The following UBE2E1 variants were observed in gnomAD, a reference collection of about 807,000 sequenced individuals.
UBE2E1 encodes ubiquitin-conjugating enzyme E2 E1.
Under a neutral mutation model 21.4 loss-of-function variants are expected in UBE2E1, and 6 were observed. The ratio of observed to expected loss-of-function variants is 0.28; its 90% CI spans 0.15 to 0.55. The LOEUF is 0.55. UBE2E1 is among the 20% of genes least tolerant of loss of function. The pLI, the probability that UBE2E1 is intolerant of heterozygous loss-of-function variation, is 0.93. For synonymous variants in UBE2E1, 87 were observed against 82.7 expected (o/e 1.05, Z -0.28); for missense variants, 142 against 236.5 (o/e 0.60, Z 2.62).
In UBE2E1 at chr3:23,853,885, C is replaced by T. The variant is rs984717147; in HGVS notation, c.204-33682C>T. On this transcript the variant is annotated intron_variant, in intron 3 of 5. Transcript: ENST00000306627. The surrounding 1 kb of genome is among the most constrained non-coding windows in gnomAD (Gnocchi z 4.1). ...CAACACTCCTCATTTTATAATAATT[C>T]GTTTTATCCACATGGTTCAAGTGGG... Among the ~76,000 whole-genome samples, 1 of 152,112 alleles carries T rather than the reference C, an allele frequency of 6.6e-6. No individual in the cohort carries two copies. Among genetic ancestry groups the T allele is most frequent in the African/African-American group, 2.4e-5 (1 of 41,418 alleles).
At chr3:23,843,374 A>T (rs1233380241) in intron 3 of UBE2E1, among the ~76,000 whole-genome samples, 1 of 152,206 alleles carries the variant, frequency 6.6e-6, no homozygotes, top group African/African-American at 2.4e-5. Context: ...AGGACCATTG[A>T]GTTGCACAAC....
intron 2 of UBE2E1, among the ~76,000 whole-genome samples, chr3:23,809,359 A>C (rs760185415): frequency 1.3e-5 from 2 of 152,194 alleles, no homozygotes; most frequent in Non-Finnish European, 2.9e-5. Context: ...TTGATTTGGA[A>C]GGTAGGTGTT....
intron 3 of UBE2E1, among the ~76,000 whole-genome samples, chr3:23,859,709 G>A (rs1346026794): frequency 6.6e-6 from 1 of 152,176 alleles, no homozygotes; most frequent in East Asian, 1.9e-4. Flanking sequence ...CTCCAAAATG[G>A]TGTTGAAGAA....
chr3:23,846,682 C>T (rs538909602), intron 3 of UBE2E1, among the ~76,000 whole-genome samples: 5 of 114,838 alleles, frequency 4.4e-5, no homozygotes, highest in South Asian at 2.8e-4. Flanking sequence ...GGCGACAGAG[C>T]GAGACTCCAT....
chr3:23,837,261 T>G (rs1393433121), intron 3 of UBE2E1, among the ~76,000 whole-genome samples: 1 of 152,192 alleles, frequency 6.6e-6, no homozygotes, highest in Non-Finnish European at 1.5e-5. Context: ...ATAAAAAAGT[T>G]AAGTAACTTG....
chr3:23,818,596 A>G (rs1025226214), intron 3 of UBE2E1, among the ~76,000 whole-genome samples: 2 of 152,080 alleles, frequency 1.3e-5, no homozygotes, highest in African/African-American at 2.4e-5. Flanking sequence ...TCTTATCTCT[A>G]TATGATAATT....
At chr3:23,871,906 G>C (rs1193476645) in intron 3 of UBE2E1, among the ~76,000 whole-genome samples, 1 of 151,674 alleles carries the variant, frequency 6.6e-6, no homozygotes, top group Non-Finnish European at 1.5e-5. Flanking sequence ...GCCAGGCAGA[G>C]GGGCTCCTCA....
intron 3 of UBE2E1, among the ~76,000 whole-genome samples, chr3:23,827,857 T>C (rs931454408): frequency 2.0e-5 from 3 of 152,206 alleles, no homozygotes; most frequent in African/African-American, 7.2e-5. Context: ...CCCAAAATCT[T>C]ATGTAGTATT....
chr3:23,807,137 C>A, intron 1 of UBE2E1, 100 bp from the exon 2 acceptor site: 1 of 990,942 alleles, frequency 1.0e-6, no homozygotes, highest in Non-Finnish European at 1.4e-6. Context: ...TGGGCGGCCG[C>A]GTGCGCCCCT....
chr3:23,834,872 T>A (rs749281418), intron 3 of UBE2E1, among the ~76,000 whole-genome samples: 1 of 152,236 alleles, frequency 6.6e-6, no homozygotes, highest in Non-Finnish European at 1.5e-5. Context: ...ATGAAAGAAA[T>A]CACTTTGGAG....
intron 3 of UBE2E1, among the ~76,000 whole-genome samples, chr3:23,825,585 G>T (rs566287349): frequency 2.6e-5 from 4 of 152,294 alleles, no homozygotes; most frequent in African/African-American, 9.6e-5. Context: ...ATGGCTTGGT[G>T]AGTGACTGCG....
At chr3:23,848,446 C>T (rs554077351) in intron 3 of UBE2E1, among the ~76,000 whole-genome samples, 3 of 149,734 alleles carry the variant, frequency 2.0e-5, no homozygotes, top group African/African-American at 4.9e-5. Flanking sequence ...CTCCAGCCTG[C>T]GTAGCAGAGT....
At chr3:23,859,193 C>G (rs1001840324) in intron 3 of UBE2E1, among the ~76,000 whole-genome samples, 1 of 152,160 alleles carries the variant, frequency 6.6e-6, no homozygotes, top group Non-Finnish European at 1.5e-5. Context: ...GAGGCCAGAT[C>G]CTTCTGCTCT....
chr3:23,871,093 G>A (rs1700774410), intron 3 of UBE2E1, among the ~76,000 whole-genome samples: 2 of 151,788 alleles, frequency 1.3e-5, no homozygotes, highest in South Asian at 2.1e-4. Context: ...ACACAGACAC[G>A]GCAACCATCC....
intron 3 of UBE2E1, among the ~76,000 whole-genome samples, chr3:23,885,351 C>T (rs1413943118): frequency 6.6e-6 from 1 of 152,132 alleles, no homozygotes; most frequent in Non-Finnish European, 1.5e-5. Flanking sequence ...GGTAGGCAAA[C>T]TTATGATGAC....
At chr3:23,819,383 C>G (rs138896703) in intron 3 of UBE2E1, among the ~76,000 whole-genome samples, 472 of 151,962 alleles carry the variant, frequency 3.1e-3, no homozygotes, top group African/African-American at 0.011. Flanking sequence ...GAACTTAGGC[C>G]CTAAGTGGGA....
chr3:23,872,679 A>AT (rs1491481468), intron 3 of UBE2E1, among the ~76,000 whole-genome samples: 1 of 152,210 alleles, frequency 6.6e-6, no homozygotes, highest in Non-Finnish European at 1.5e-5. Flanking sequence ...ATAACAAAAA[A>AT]CATATTAATA....
intron 3 of UBE2E1, among the ~76,000 whole-genome samples, chr3:23,875,336 C>G (rs1305214407): frequency 6.6e-6 from 1 of 152,088 alleles, no homozygotes; most frequent in African/African-American, 2.4e-5. Flanking sequence ...GTTAGTGTGC[C>G]AAGTCCTGTA....
intron 3 of UBE2E1, among the ~76,000 whole-genome samples, chr3:23,841,459 G>A (rs940024949): frequency 5.3e-5 from 8 of 151,802 alleles, no homozygotes; most frequent in Non-Finnish European, 1.0e-4. Context: ...ATTCTAATAC[G>A]ATTAAAGGTC....
Sources: gnomAD v4.1 joint callset for allele counts (sites outside exome capture counted in the v4.1 genomes callset) on GRCh38, gnomAD v4.1.1 for gene constraint, Gnocchi (gnomAD v3.1) non-coding constraint, MANE v1.5 for transcripts, NCBI Gene and HGNC (gene_info 2026-07-23, HGNC 2026-07-21) for gene names.